The following ZNF382 variants were observed in gnomAD, a reference collection of about 807,000 sequenced individuals.
The protein encoded by ZNF382 is zinc finger protein 382.
A neutral mutation model predicts 38.8 loss-of-function variants in ZNF382; 20 were observed. The ratio of observed to expected loss-of-function variants is 0.51; its 90% CI spans 0.36 to 0.75. The LOEUF is 0.75. Ranked by LOEUF, ZNF382 falls within the 30% of genes least tolerant of loss-of-function variation. The pLI, the probability that ZNF382 is intolerant of heterozygous loss-of-function variation, is 0.00. For synonymous variants in ZNF382, 202 were observed against 223.1 expected (o/e 0.91, Z 0.84); for missense variants, 546 against 654.1 (o/e 0.83, Z 1.80).
rs2037212501 is a variant in ZNF382 at position 36,626,326 on chromosome 19, G to A, written c.429G>A (p.Leu143=). Reference sequence around the variant, plus strand: ...AATATAAACCTGATGGAAAAGTTTTGAAAAATATTTCAGAACTAGTCATTA... The same window carrying A: ...AATATAAACCTGATGGAAAAGTTTTAAAAAATATTTCAGAACTAGTCATTA... ...LCEYKPDGKV[L]KNISELVIRN... is the part of the protein sequence containing the mutation. Residue 143 remains leucine (L), a synonymous_variant, in exon 5 of 5, where the codon TTG becomes TTA. Coordinates refer to ENST00000292928, the MANE Select transcript of ZNF382 (RefSeq NM_032825.5). 6.3e-7 allele frequency: 1 copy of A among 1,583,784 alleles called. No individual in the cohort carries two copies. The highest frequency in any genetic ancestry group is 1.9e-5 in the Admixed American group (1 of 51,482).
In ZNF382 at chr19:36,626,444, G is replaced by A. The variant is rs755134050; in HGVS notation, c.547G>A (p.Val183Met). The A allele has an allele frequency of 1.9e-6, 3 of 1,606,908 alleles. No individual in the cohort carries two copies. Among genetic ancestry groups the A allele is most frequent in the Admixed American group, 3.4e-5 (2 of 58,294 alleles). ...CAAGCATGAGAAAATTCATCCTGCA[G>A]TGAATCTCCATAAACAAACAGAAAG... The part of the protein sequence containing the change: ...NTKHEKIHPA[V>M]NLHKQTERVL... The change falls in exon 5 of 5, where the codon GTG (valine) becomes ATG (methionine). Residue 183 changes from valine to methionine, a missense_variant. Transcript: ENST00000292928.
intron 4 of ZNF382, among the ~76,000 whole-genome samples, chr19:36,614,246 A>C (rs1005164308): frequency 6.6e-6 from 1 of 152,182 alleles, no homozygotes; most frequent in Admixed American, 6.5e-5. Context: ...AGGCTGAGGC[A>C]GGAGAATTGC....
At position 36,626,935 on chromosome 19, in the gene ZNF382, T is replaced by A; in HGVS notation, c.1038T>A (p.His346Gln). The change falls in exon 5 of 5, where the codon CAT (histidine) becomes CAA (glutamine). Residue 346 changes from histidine to glutamine, a missense_variant. His to Gln is a conservative substitution (Grantham distance 24, BLOSUM62 0). Coordinates refer to ENST00000292928, the MANE Select transcript of ZNF382 (RefSeq NM_032825.5). The stretch of plus-strand genomic sequence containing the variant: ...CCCTCACCCTTCATGAGAAAACACA[T>A]ATAGAGGGGAAACCCTTTATTTGTA... ...KTALTLHEKT[H>Q]IEGKPFICID... 1.9e-6 allele frequency: 3 copies of A among 1,614,122 alleles called. No homozygotes were observed. Among genetic ancestry groups the A allele is most frequent in the Non-Finnish European group, 2.5e-6 (3 of 1,180,002 alleles).
At chr19:36,606,067 T>G (rs1039974183) in intron 1 of ZNF382, among the ~76,000 whole-genome samples, 4 of 152,160 alleles carry the variant, frequency 2.6e-5, no homozygotes, top group Non-Finnish European at 5.9e-5. Flanking sequence ...AATATTTGAA[T>G]GATTGAGGAA....
In ZNF382 at chr19:36,626,294, C is replaced by T; in HGVS notation, c.397C>T (p.Leu133=). 1 of 1,599,108 alleles carries T rather than the reference C, an allele frequency of 6.3e-7. No homozygotes were observed. ...LGKNRISKTI[L]CEYKPDGKVL... ...CAAGAACCGTATTTCAAAAACAATA[C>T]TATGTGAATATAAACCTGATGGAAA... The change falls in exon 5 of 5, where the codon CTA becomes TTA. Residue 133 remains leucine, a synonymous_variant. Transcript: ENST00000292928.
At chr19:36,614,914 C>CT (rs752527955) in intron 4 of ZNF382, among the ~76,000 whole-genome samples, 18 of 90,814 alleles carry the variant, frequency 2.0e-4, no homozygotes, top group South Asian at 3.5e-4. Flanking sequence ...CTTTCCTTTC[C>CT]TTCCCTTTCC....
intron 4 of ZNF382, among the ~76,000 whole-genome samples, chr19:36,621,157 C>T (rs563831149): frequency 1.3e-5 from 2 of 152,178 alleles, no homozygotes; most frequent in Admixed American, 1.3e-4. Flanking sequence ...CTCTGTTATA[C>T]TTTCTTAATG....
chr19:36,616,239 G>A (rs1237134794), intron 4 of ZNF382, among the ~76,000 whole-genome samples: 4 of 152,096 alleles, frequency 2.6e-5, no homozygotes, highest in African/African-American at 9.7e-5. Context: ...CAGTGCAGTG[G>A]TGTGCACCTG....
intron 4 of ZNF382, among the ~76,000 whole-genome samples, chr19:36,623,173 G>A (rs944572536): frequency 7.2e-5 from 11 of 152,240 alleles, no homozygotes; most frequent in South Asian, 4.1e-4. Flanking sequence ...CCATGCAAGC[G>A]AAAATGTCTT....
intron 4 of ZNF382, among the ~76,000 whole-genome samples, chr19:36,621,241 T>C (rs546191839): frequency 2.0e-5 from 3 of 151,940 alleles, no homozygotes; most frequent in Non-Finnish European, 4.4e-5. Flanking sequence ...GATTTGCCAT[T>C]GACAGCTTCC....
intron 4 of ZNF382, among the ~76,000 whole-genome samples, chr19:36,612,824 C>A (rs933966658): frequency 6.6e-6 from 1 of 152,238 alleles, no homozygotes; most frequent in African/African-American, 2.4e-5. Context: ...CAGAGTCTCA[C>A]TCTGTCGCCC....
Position 36,626,145 on chromosome 19 carries a change from C to A in ZNF382, c.248C>A (p.Thr83Asn). The A allele has an allele frequency of 1.3e-6, 2 of 1,541,596 alleles. No homozygotes were observed. The highest frequency in any genetic ancestry group is 1.7e-6 in the Non-Finnish European group (2 of 1,151,184). Reference sequence around the variant, plus strand: ...TCTTTTCTAGAAGAAGATGGGAAAACTGAAGATGTCTTAGTGAAGTTCAAA... The same window carrying A: ...TCTTTTCTAGAAGAAGATGGGAAAAATGAAGATGTCTTAGTGAAGTTCAAA... ...SYSYLEEDGK[T>N]EDVLVKFKEY... The change falls in exon 5 of 5, where the codon ACT becomes AAT. Residue 83 changes from threonine (T) to asparagine (N), a missense_variant. Coordinates refer to ENST00000292928, the MANE Select transcript of ZNF382 (RefSeq NM_032825.5).
Position 36,627,046 on chromosome 19 carries a change from T to C in ZNF382, c.1149T>C (p.Pro383=), listed in dbSNP as rs2037220352. 6.2e-7 allele frequency: 1 copy of C among 1,613,704 alleles called. No individual in the cohort carries two copies. The highest frequency in any genetic ancestry group is 8.5e-7 in the Non-Finnish European group (1 of 1,179,944). ...THTGEKAYEC[P]QCGSAFRKKS... Reference sequence around the variant, plus strand: ...CGGGGGAGAAAGCCTATGAATGTCCTCAGTGTGGAAGTGCCTTTAGGAAGA... The same window carrying C: ...CGGGGGAGAAAGCCTATGAATGTCCCCAGTGTGGAAGTGCCTTTAGGAAGA... The change falls in exon 5 of 5, where the codon CCT becomes CCC. Residue 383 remains proline, a synonymous_variant. Transcript: ENST00000292928.
In ZNF382 at chr19:36,626,407, A is replaced by G; in HGVS notation, c.510A>G (p.Ser170=). Residue 170 remains serine, a synonymous_variant, in exon 5 of 5, where the codon TCA becomes TCG. Transcript: ENST00000292928. ...KFGDSTGWEK[S]LLNTKHEKIH... is the part of the protein sequence containing the mutation. ...GTGACAGTACTGGATGGGAGAAATC[A>G]CTCCTCAATACCAAGCATGAGAAAA... 5 of 1,599,282 alleles carry G rather than the reference A, an allele frequency of 3.1e-6. No individual in the cohort carries two copies. The highest frequency in any genetic ancestry group is 4.3e-6 in the Non-Finnish European group (5 of 1,175,436).
intron 4 of ZNF382, among the ~76,000 whole-genome samples, chr19:36,623,793 CAA>C (rs11454382): frequency 2.3e-5 from 3 of 131,940 alleles, no homozygotes; most frequent in Non-Finnish European, 1.7e-5. Flanking sequence ...GACTCTGTCT[CAA>C]AAAAAAAAAA....
intron 4 of ZNF382, among the ~76,000 whole-genome samples, chr19:36,619,261 A>G (rs1425755199): frequency 2.6e-5 from 4 of 152,232 alleles, no homozygotes; most frequent in Non-Finnish European, 5.9e-5. Flanking sequence ...GATTGATTAA[A>G]TGCCAGCAGA....
intron 4 of ZNF382, among the ~76,000 whole-genome samples, chr19:36,624,360 A>G (rs1423871754): frequency 1.3e-5 from 2 of 152,194 alleles, no homozygotes; most frequent in Non-Finnish European, 2.9e-5. Flanking sequence ...CTATTGTGTA[A>G]TACATGACAC....
At position 36,633,673 on chromosome 19, in the gene ZNF382, A is replaced by C. The variant is rs1447760953; in HGVS notation, c.*6123A>C. On this transcript the variant is annotated 3_prime_UTR_variant, in exon 5 of 5. Transcript: ENST00000292928. Reference sequence around the variant, plus strand: ...TATTTATAATTAAAAAAAAAACTAGAGACAAGCAAATGTTCTTCAGTGTGT... The same window carrying C: ...TATTTATAATTAAAAAAAAAACTAGCGACAAGCAAATGTTCTTCAGTGTGT... The C allele has an allele frequency of 6.6e-6, 1 of 152,134 alleles. No individual in the cohort carries two copies. Among genetic ancestry groups the C allele is most frequent in the Non-Finnish European group, 1.5e-5 (1 of 68,032 alleles). 9.4% of individuals were successfully genotyped at this position (152,134 alleles called of 1,614,324 possible).
Position 36,627,280 on chromosome 19 carries a change from A to AG in ZNF382, c.1383_1384insG (p.Lys462GlufsTer6). 1 of 1,609,534 alleles carries AG rather than the reference A, an allele frequency of 6.2e-7. No homozygotes were observed. Among genetic ancestry groups the AG allele is most frequent in the Non-Finnish European group, 8.5e-7 (1 of 1,178,628 alleles). On this transcript the variant is annotated frameshift_variant, in exon 5 of 5. Transcript: ENST00000292928. LOFTEE classifies it high-confidence loss of function. ...TCCACCAGAGAATTCACACGGGGGA[A>AG]AAACCCTATATTTGTAATGAATGTG... is the stretch of plus-strand genomic sequence containing the variant.
Sources: gnomAD v4.1 joint callset for allele counts (sites outside exome capture counted in the v4.1 genomes callset) on GRCh38, gnomAD v4.1.1 for gene constraint, MANE v1.5 for transcripts, NCBI Gene and HGNC (gene_info 2026-07-23, HGNC 2026-07-21) for gene names.